FBXW10B: variants seen among roughly 807,000 people sequenced by gnomAD.
FBXW10B encodes F-box and WD repeat domain containing 10B.
the FBXW10B span, among the ~76,000 whole-genome samples, chr17:15,570,036 A>C: frequency 2.6e-5 from 4 of 152,222 alleles, no homozygotes; most frequent in Non-Finnish European, 5.9e-5. Flanking sequence ...TATATTACAG[A>C]GGTGAACAAA....
chr17:15,589,289 C>T, the FBXW10B span: 10 of 1,593,648 alleles, frequency 6.3e-6, no homozygotes, highest in East Asian at 2.2e-4. Flanking sequence ...ATGACATACA[C>T]TTTCCCTTGT....
the FBXW10B span, among the ~76,000 whole-genome samples, chr17:15,618,383 A>G: frequency 2.6e-5 from 4 of 151,992 alleles, no homozygotes; most frequent in African/African-American, 9.7e-5. Flanking sequence ...GCTGAGTCTG[A>G]AGTTCTGGGG....
chr17:15,616,939 T>A, the FBXW10B span, among the ~76,000 whole-genome samples: 1 of 151,998 alleles, frequency 6.6e-6, no homozygotes, highest in Non-Finnish European at 1.5e-5. Flanking sequence ...CTGCGGAGCA[T>A]TGCATCTGTG....
the FBXW10B span, among the ~76,000 whole-genome samples, chr17:15,585,853 C>T: frequency 1.3e-5 from 2 of 152,226 alleles, no homozygotes; most frequent in Non-Finnish European, 1.5e-5. Flanking sequence ...ACCACTCCCA[C>T]CTCTTGGTAG....
the FBXW10B span, among the ~76,000 whole-genome samples, chr17:15,614,235 T>C: frequency 1.2e-4 from 19 of 152,030 alleles, no homozygotes; most frequent in Non-Finnish European, 2.1e-4. Context: ...GTCGCCCAGG[T>C]TGGAGTGTAG....
chr17:15,610,429 G>A, the FBXW10B span, among the ~76,000 whole-genome samples: 2 of 152,144 alleles, frequency 1.3e-5, no homozygotes, highest in Non-Finnish European at 2.9e-5. Flanking sequence ...GCAGCTGCAG[G>A]CATACCCCCA....
At chr17:15,582,728 GA>G in the FBXW10B span, among the ~76,000 whole-genome samples, 8 of 152,070 alleles carry the variant, frequency 5.3e-5, no homozygotes, top group Non-Finnish European at 1.2e-4. Flanking sequence ...AGACTAAGAA[GA>G]GACAAAGTGG....
chr17:15,609,987 G>T, the FBXW10B span, among the ~76,000 whole-genome samples: 1 of 150,154 alleles, frequency 6.7e-6, no homozygotes, highest in Non-Finnish European at 1.5e-5. Context: ...CAGCCTCCCG[G>T]GTAGCTGGGA....
the FBXW10B span, among the ~76,000 whole-genome samples, chr17:15,583,259 G>A: frequency 0.51 from 43,862 of 86,582 alleles, 10,591 homozygotes; most frequent in Middle Eastern, 0.67. Flanking sequence ...CTTCTCACAC[G>A]CTGTTCCCAC....
At chr17:15,612,618 G>C in the FBXW10B span, 1 of 1,588,082 alleles carries the variant, frequency 6.3e-7, no homozygotes, top group Non-Finnish European at 8.6e-7. Context: ...CCTCACTCCA[G>C]GGCTGAGTCT....
At chr17:15,566,297 T>C in the FBXW10B span, 1 of 1,581,246 alleles carries the variant, frequency 6.3e-7, no homozygotes, top group South Asian at 1.1e-5. Flanking sequence ...TTTGGGTGAC[T>C]GGGCAGTTTT....
At chr17:15,579,082 G>A in the FBXW10B span, among the ~76,000 whole-genome samples, 3 of 151,530 alleles carry the variant, frequency 2.0e-5, no homozygotes, top group Non-Finnish European at 4.4e-5. Context: ...TCAGGAGGCT[G>A]AGGTGGGAGA....
chr17:15,609,832 TTC>T, the FBXW10B span, among the ~76,000 whole-genome samples: 25 of 149,544 alleles, frequency 1.7e-4, no homozygotes, highest in African/African-American at 5.0e-4. Context: ...TCTCTCCCTT[TTC>T]TCTCTCTTTC....
At chr17:15,593,560 G>T in the FBXW10B span, 3 of 1,590,646 alleles carry the variant, frequency 1.9e-6, no homozygotes, top group African/African-American at 1.3e-5. Context: ...TTGTTTGTAG[G>T]TTGGGAGCAT....
At chr17:15,603,111 C>T in the FBXW10B span, among the ~76,000 whole-genome samples, 2 of 149,592 alleles carry the variant, frequency 1.3e-5, no homozygotes, top group African/African-American at 2.5e-5. Context: ...CTCAAACTCC[C>T]GACCTCAGAT....
the FBXW10B span, chr17:15,569,073 T>G: frequency 1.1e-6 from 1 of 898,674 alleles, no homozygotes; most frequent in Admixed American, 4.3e-5. Flanking sequence ...ATATCTTTGC[T>G]GTGATGAAAA....
the FBXW10B span, among the ~76,000 whole-genome samples, chr17:15,592,292 A>G: frequency 3.2e-5 from 4 of 125,036 alleles, no homozygotes; most frequent in Non-Finnish European, 5.0e-5. Context: ...AAAAATGGCC[A>G]GAGTTTTTTT....
the FBXW10B span, among the ~76,000 whole-genome samples, chr17:15,571,011 T>C: frequency 6.6e-6 from 1 of 152,118 alleles, no homozygotes; most frequent in Non-Finnish European, 1.5e-5. Flanking sequence ...GTACAGAATA[T>C]AGAAAGAAGT....
At chr17:15,618,933 G>A in the FBXW10B span, 3 of 1,569,366 alleles carry the variant, frequency 1.9e-6, no homozygotes, top group South Asian at 1.2e-5. Flanking sequence ...TACAACTGCA[G>A]TTCCTTACAG....
Sources: gnomAD v4.1 joint callset for allele counts (sites outside exome capture counted in the v4.1 genomes callset) on GRCh38, gnomAD v4.1.1 for gene constraint, MANE v1.5 for transcripts, NCBI Gene and HGNC (gene_info 2026-07-23, HGNC 2026-07-21) for gene names.